Variants in PSG11 observed in about 807,000 individuals in gnomAD.
PSG11 encodes pregnancy specific beta-1-glycoprotein 11.
A neutral mutation model predicts 36.0 loss-of-function variants in PSG11; 42 were observed. That is an observed-to-expected ratio of 1.17 (90% CI 0.91 to 1.51). The LOEUF is 1.51. PSG11 is among the 40% of genes most tolerant of loss of function. The probability of loss-of-function intolerance (pLI) is 0.00; values close to 1 mark genes in which losing one functional copy is unlikely to be tolerated. For missense variants in PSG11, 558 were observed against 403.5 expected (o/e 1.38, Z -3.28); for synonymous variants, 206 against 153.5 (o/e 1.34, Z -2.53).
At chr19:43,019,192 G>T in intron 2 of PSG11, 144 bp from the exon 3 acceptor site, 1 of 1,475,370 alleles carries the variant, frequency 6.8e-7, no homozygotes, top group Non-Finnish European at 9.1e-7. Flanking sequence ...TTACAACACA[G>T]ATGCATGGCA....
intron 2 of PSG11, among the ~76,000 whole-genome samples, chr19:43,023,636 G>A (rs999289309): frequency 1.7e-4 from 26 of 151,120 alleles, no homozygotes; most frequent in Non-Finnish European, 3.4e-4. Flanking sequence ...AATGACTATG[G>A]GGTGCTTGGA....
chr19:43,015,048 A>T (rs545277841), intron 4 of PSG11, 68 bp downstream of exon 4: 1 of 1,609,160 alleles, frequency 6.2e-7, no homozygotes, highest in East Asian at 2.2e-5. Context: ...TGTTTTCCTG[A>T]CTCTTCTCTG....
chr19:43,022,908 G>C (rs994880943), intron 2 of PSG11, among the ~76,000 whole-genome samples: 33 of 150,590 alleles, frequency 2.2e-4, no homozygotes, highest in Non-Finnish European at 4.3e-4. Context: ...GTTAGAGGGA[G>C]TGTCTGGGGA....
At chr19:43,025,965 G>T in intron 1 of PSG11, among the ~76,000 whole-genome samples, 1 of 83,018 alleles carries the variant, frequency 1.2e-5, no homozygotes, top group Non-Finnish European at 2.2e-5. Context: ...TTTTTGAGAT[G>T]GAGTCTCGTA....
intron 3 of PSG11, chr19:43,015,680 AC>A: frequency 6.4e-7 from 1 of 1,569,342 alleles, no homozygotes; most frequent in South Asian, 1.2e-5. Flanking sequence ...AGGTGTCTGT[AC>A]TTGGACCGGA....
intron 1 of PSG11, among the ~76,000 whole-genome samples, chr19:43,025,867 C>T (rs1967236030): frequency 6.7e-6 from 1 of 148,568 alleles, no homozygotes; most frequent in Non-Finnish European, 1.5e-5. Context: ...GACCCCTGTC[C>T]CTCTTGGGTG....
chr19:43,022,396 T>C (rs1967122404), intron 2 of PSG11, among the ~76,000 whole-genome samples: 1 of 151,192 alleles, frequency 6.6e-6, no homozygotes, highest in African/African-American at 2.4e-5. Context: ...AAACAGATCA[T>C]TTCCCTCCGC....
At chr19:43,018,313 C>CT (rs1967015855) in intron 3 of PSG11, 1 of 242,150 alleles carries the variant, frequency 4.1e-6, no homozygotes, top group Non-Finnish European at 8.2e-6. Flanking sequence ...AGCTTGGGGA[C>CT]TTCCCCTGTA....
At chr19:43,014,477 C>T in intron 4 of PSG11, 1 of 972,002 alleles carries the variant, frequency 1.0e-6, no homozygotes, top group South Asian at 4.8e-5. Flanking sequence ...GGTTGCTTCT[C>T]TTCTTATTTC....
Position 43,014,506 on chromosome 19 carries a change from G to A in PSG11, c.964+610C>T. 3 of 977,950 alleles carry A rather than the reference G, an allele frequency of 3.1e-6. No individual in the cohort carries two copies. In the South Asian group the frequency reaches 1.4e-4, roughly 46 times the overall value. 60.6% of individuals were successfully genotyped at this position (977,950 alleles called of 1,614,324 possible). ...TTATTTCCTTGCAGCCTGGCCCGGGGGAGGCTTGGCTTGAACTGGCAGCTC... is the reference window on the plus strand; with the variant it reads ...TTATTTCCTTGCAGCCTGGCCCGGGAGAGGCTTGGCTTGAACTGGCAGCTC... On this transcript the variant is annotated intron_variant, in intron 4 of 5. Transcript: ENST00000320078.
At chr19:43,022,106 T>A (rs1374188512) in intron 2 of PSG11, among the ~76,000 whole-genome samples, 1 of 151,514 alleles carries the variant, frequency 6.6e-6, no homozygotes, top group Non-Finnish European at 1.5e-5. Flanking sequence ...GTCAAACTAG[T>A]GAAAGACCAT....
At chr19:43,015,950 A>T (rs1966953962) in intron 3 of PSG11, 3 of 1,610,134 alleles carry the variant, frequency 1.9e-6, no homozygotes, top group Non-Finnish European at 2.5e-6. Context: ...ATGTAGGCAT[A>T]GTTCTCACTC....
intron 2 of PSG11, among the ~76,000 whole-genome samples, chr19:43,023,349 C>G (rs1279550805): frequency 6.6e-6 from 1 of 150,796 alleles, no homozygotes; most frequent in Non-Finnish European, 1.5e-5. Flanking sequence ...GTGTGTCTCT[C>G]GCTGGGCCTG....
At chr19:43,025,845 C>T (rs570945609) in intron 1 of PSG11, among the ~76,000 whole-genome samples, 4 of 147,150 alleles carry the variant, frequency 2.7e-5, no homozygotes, top group South Asian at 2.2e-4. Flanking sequence ...TTCAATGTGA[C>T]TTTCCTGTTT....
rs36038329 is a variant in PSG11, at chr19:43,008,011, G to T, written c.*72C>A. On this transcript the variant is annotated 3_prime_UTR_variant, in exon 6 of 6. Transcript: ENST00000320078. ...GAAGTTATCAGGAACTTGTATTCAAGAGTCCTTTTCATAGTCTTTTCCATA... is the reference window on the plus strand; with the variant it reads ...GAAGTTATCAGGAACTTGTATTCAATAGTCCTTTTCATAGTCTTTTCCATA... The T allele has an allele frequency of 0.012, 4,646 of 400,888 alleles. 116 individuals carry two copies. The highest frequency in any genetic ancestry group is 0.011 in the Non-Finnish European group (2,301 of 217,070). The allele number at this position is 400,888 out of a possible 1,614,324, so 24.8% of individuals were successfully genotyped here.
rs747683975 is a variant in PSG11 at position 43,024,690 on chromosome 19, C to G, written c.430+1G>C. 4.3e-6 allele frequency: 7 copies of G among 1,609,622 alleles called. 1 individual carries two copies. The African/African-American group carries it at 8.1e-5, about 19-fold the overall frequency. ...CCCAGGGATCATGTGGAATCACTTA[C>G]GGTATAAGGTGAAGGTGAAATATCC... On this transcript the variant is annotated splice_donor_variant, in intron 2 of 5. Coordinates refer to ENST00000320078, the MANE Select transcript of PSG11 (RefSeq NM_002785.3). LOFTEE classifies it high-confidence loss of function.
intron 5 of PSG11, among the ~76,000 whole-genome samples, chr19:43,009,423 G>A (rs1366612317): frequency 6.6e-6 from 1 of 151,288 alleles, no homozygotes; most frequent in Non-Finnish European, 1.5e-5. Context: ...TAATTAGGAT[G>A]GAGGAATTAT....
Position 43,008,206 on chromosome 19 carries a change from T to C in PSG11, c.*41-164A>G, listed in dbSNP as rs368669243. 6 of 233,134 alleles carry C rather than the reference T, an allele frequency of 2.6e-5. 1 individual carries two copies. Among genetic ancestry groups the C allele is most frequent in the African/African-American group, 2.3e-5 (1 of 44,238 alleles). The allele number at this position is 233,134 out of a possible 1,614,324, so 14.4% of individuals were successfully genotyped here. ...GCTCACATAGAAATCTAGTTACTTC[T>C]GTGGCTTATGACACTATGGTAACAT... is the stretch of plus-strand genomic sequence containing the variant. On this transcript the variant is annotated intron_variant, in intron 5 of 5. Coordinates refer to ENST00000320078, the MANE Select transcript of PSG11 (RefSeq NM_002785.3).
intron 3 of PSG11, 100 bp from the exon 4 acceptor site, chr19:43,015,470 C>T (rs547900690): frequency 1.4e-6 from 2 of 1,432,930 alleles, no homozygotes; most frequent in Non-Finnish European, 1.9e-6. Flanking sequence ...CCAAGACACA[C>T]CCTCAAGTCC....
Sources: allele counts gnomAD v4.1 joint callset (sites outside exome capture counted in the v4.1 genomes callset), GRCh38; gene constraint gnomAD v4.1.1; transcripts MANE v1.5; gene names NCBI Gene and HGNC (gene_info 2026-07-23, HGNC 2026-07-21).